The following ANTXR1 variants were observed in gnomAD, a reference collection of about 807,000 sequenced individuals.
ANTXR1 encodes ANTXR cell adhesion molecule 1.
Under a neutral mutation model 78.1 loss-of-function variants are expected in ANTXR1, and 19 were observed. The ratio of observed to expected loss-of-function variants is 0.24; its 90% confidence interval spans 0.17 to 0.36. ANTXR1 has a LOEUF of 0.36. ANTXR1 is among the 10% of genes least tolerant of loss of function. ANTXR1 has a pLI of 1.00. For synonymous variants in ANTXR1, 273 were observed against 260.5 expected, an observed-to-expected ratio of 1.05 and a Z score of -0.46; for missense variants, 518 against 718.6, an observed-to-expected ratio of 0.72 and a Z score of 3.19.
At chr2:69,103,313 A>G (rs10179227) in intron 10 of ANTXR1, 74,077 of 351,808 alleles carry the variant, frequency 0.21, 13,791 homozygotes, top group African/African-American at 0.66. Flanking sequence ...AGTGCTGGTG[A>G]TGGTTAATTA....
chr2:69,048,035 A>C (rs936707887), intron 3 of ANTXR1, among the ~76,000 whole-genome samples: 2 of 152,162 alleles, frequency 1.3e-5, no homozygotes, highest in African/African-American at 2.4e-5. Flanking sequence ...CCTTAGTATA[A>C]TAGAGTATAC....
intron 17 of ANTXR1, among the ~76,000 whole-genome samples, chr2:69,223,172 G>A (rs1675364176): frequency 1.3e-5 from 2 of 152,180 alleles, no homozygotes. Flanking sequence ...GATGGCCCAG[G>A]ACTTGAGATC....
chr2:69,117,852 C>T lies in ANTXR1; in HGVS notation c.803-5165C>T, dbSNP rs904361103. 3.9e-5 allele frequency among the ~76,000 whole-genome samples: 6 copies of T among 152,108 alleles called. No homozygotes were observed. The South Asian group carries it at 8.3e-4, about 21-fold the overall frequency. On this transcript the variant is annotated intron_variant, in intron 10 of 17. Transcript: ENST00000303714. ...GTAAGAAAAGGGCTCAGATTTGAGTCGGTGTGATCTGAAATATCCTCTGCC... is the reference window on the plus strand; with the variant it reads ...GTAAGAAAAGGGCTCAGATTTGAGTTGGTGTGATCTGAAATATCCTCTGCC...
In ANTXR1 at chr2:69,245,272, G is replaced by A. The variant is rs1367909175; in HGVS notation, c.1482G>A (p.Lys494=). Residue 494 remains lysine (K), a synonymous_variant, in exon 18 of 18, where the codon AAG becomes AAA. Transcript: ENST00000303714. ...GGGTCAAGAACAACCAGCCAGCCAA[G>A]TACCCACTCAACAACGCCTACCACA... ...FTRVKNNQPA[K]YPLNNAYHTS... 1.9e-6 allele frequency: 3 copies of A among 1,613,712 alleles called. No homozygotes were observed. Among genetic ancestry groups the A allele is most frequent in the South Asian group, 1.1e-5 (1 of 91,038 alleles).
At chr2:69,084,615 G>C (rs1440084253) in intron 8 of ANTXR1, among the ~76,000 whole-genome samples, 1 of 87,082 alleles carries the variant, frequency 1.1e-5, no homozygotes, top group Non-Finnish European at 2.3e-5. Flanking sequence ...TTTTTTTTTA[G>C]AGATGGGGTC....
At chr2:69,188,720 CCA>C (rs1258011171) in intron 16 of ANTXR1, among the ~76,000 whole-genome samples, 1 of 152,204 alleles carries the variant, frequency 6.6e-6, no homozygotes, top group African/African-American at 2.4e-5. Flanking sequence ...GGAGTGAGGA[CCA>C]GTGTCTTAAG....
intron 3 of ANTXR1, among the ~76,000 whole-genome samples, chr2:69,051,168 C>A (rs1266372593): frequency 6.6e-6 from 1 of 152,040 alleles, no homozygotes; most frequent in Non-Finnish European, 1.5e-5. Flanking sequence ...CACCTGTAAT[C>A]CCACCTACTT....
chr2:69,242,275 T>TC (rs1675913678), intron 17 of ANTXR1, among the ~76,000 whole-genome samples: 1 of 151,878 alleles, frequency 6.6e-6, no homozygotes, highest in Non-Finnish European at 1.5e-5. Context: ...CCCACCTCAC[T>TC]CCCCCACAGC....
intron 10 of ANTXR1, among the ~76,000 whole-genome samples, chr2:69,113,985 G>T (rs1418976691): frequency 6.6e-6 from 1 of 152,190 alleles, no homozygotes; most frequent in Admixed American, 6.5e-5. Flanking sequence ...TGGATTTATT[G>T]AGAGGAGAAA....
intron 12 of ANTXR1, among the ~76,000 whole-genome samples, chr2:69,136,326 G>A (rs1672908995): frequency 6.6e-6 from 1 of 152,118 alleles, no homozygotes; most frequent in Non-Finnish European, 1.5e-5. Context: ...GCATCCAACA[G>A]AGAATATCTA....
intron 12 of ANTXR1, chr2:69,146,004 G>T (rs763413466): frequency 1.4e-5 from 14 of 985,384 alleles, no homozygotes; most frequent in Non-Finnish European, 1.7e-5. Flanking sequence ...TGAGTTGGGA[G>T]CAGAGGGAAT....
intron 17 of ANTXR1, 44 bp downstream of exon 17, chr2:69,193,459 TCACATACACACACA>T (rs1674592271): frequency 2.9e-6 from 3 of 1,044,078 alleles, no homozygotes; most frequent in Non-Finnish European, 1.4e-6. Context: ...TCTCTCTCTC[TCACATACACACACA>T]CACACACACA....
intron 8 of ANTXR1, among the ~76,000 whole-genome samples, chr2:69,081,469 T>C (rs1670900530): frequency 6.6e-6 from 1 of 152,218 alleles, no homozygotes. Context: ...TTTTTCAAAA[T>C]GTTCCCACTT....
At chr2:69,229,359 C>T (rs900717273) in intron 17 of ANTXR1, among the ~76,000 whole-genome samples, 1 of 152,094 alleles carries the variant, frequency 6.6e-6, no homozygotes. Context: ...TCGATTGGTG[C>T]AAAAGAAGAA....
Position 69,024,184 on chromosome 2 carries a change from A to G in ANTXR1, c.152+10533A>G, listed in dbSNP as rs368291028. 1.2e-4 allele frequency among the ~76,000 whole-genome samples: 19 copies of G among 152,278 alleles called. No individual in the cohort carries two copies. In the South Asian group the frequency reaches 2.9e-3, roughly 23 times the overall value. The stretch of plus-strand genomic sequence containing the variant: ...GGGAGAGGAAAGGGTTGCAACAGTA[A>G]GGAGCAGGCATCAGAAGGAAAGAGA... On this transcript the variant is annotated intron_variant, in intron 1 of 17. Coordinates refer to ENST00000303714, the MANE Select transcript of ANTXR1 (RefSeq NM_032208.3).
intron 16 of ANTXR1, among the ~76,000 whole-genome samples, chr2:69,185,050 A>G (rs1394570768): frequency 6.6e-6 from 1 of 152,174 alleles, no homozygotes; most frequent in Non-Finnish European, 1.5e-5. Context: ...TTATCACTTC[A>G]TCAGTCCTGA....
At chr2:69,214,575 AC>A (rs1462554663) in intron 17 of ANTXR1, among the ~76,000 whole-genome samples, 2 of 152,024 alleles carry the variant, frequency 1.3e-5, no homozygotes, top group East Asian at 3.9e-4. Flanking sequence ...CTAAACTCCA[AC>A]CCCACCCTGT....
At chr2:69,228,457 C>T (rs528530260) in intron 17 of ANTXR1, among the ~76,000 whole-genome samples, 3 of 152,194 alleles carry the variant, frequency 2.0e-5, no homozygotes, top group Non-Finnish European at 4.4e-5. Context: ...AAAGAAAGAG[C>T]ATAGAGTCTA....
At chr2:69,157,884 C>T (rs1673571134) in intron 13 of ANTXR1, among the ~76,000 whole-genome samples, 1 of 152,186 alleles carries the variant, frequency 6.6e-6, no homozygotes, top group South Asian at 2.1e-4. Flanking sequence ...TACTCACTAC[C>T]CTGCCTAGAA....
Sources: gnomAD v4.1 joint callset for allele counts (sites outside exome capture counted in the v4.1 genomes callset) on GRCh38, gnomAD v4.1.1 for gene constraint, MANE v1.5 for transcripts, NCBI Gene and HGNC (gene_info 2026-07-23, HGNC 2026-07-21) for gene names.